PPP1R13B: variants seen among roughly 807,000 people sequenced by gnomAD.
The protein encoded by PPP1R13B is protein phosphatase 1 regulatory subunit 13B, also known as apoptosis-stimulating of p53 protein 1.
Under a neutral mutation model 119.8 loss-of-function variants are expected in PPP1R13B, and 44 were observed. The ratio of observed to expected loss-of-function variants is 0.37; its 90% CI spans 0.29 to 0.47. The LOEUF is 0.47. Ranked by LOEUF, PPP1R13B falls within the 20% of genes least tolerant of loss-of-function variation. The pLI is 0.99. For missense variants in PPP1R13B, 1,227 were observed against 1,413.5 expected, an observed-to-expected ratio of 0.87 and a Z score of 2.12; for synonymous variants, 542 against 561.5, an observed-to-expected ratio of 0.97 and a Z score of 0.49.
At chr14:103,735,643 C>T (rs1305964005) in intron 16 of PPP1R13B, among the ~76,000 whole-genome samples, 1 of 152,238 alleles carries the variant, frequency 6.6e-6, no homozygotes, top group Admixed American at 6.5e-5. Flanking sequence ...ACGTTCCCAC[C>T]TCTCCCTCCA....
chr14:103,847,169 C>G, intron 1 of PPP1R13B, 130 bp downstream of exon 1: 1 of 997,482 alleles, frequency 1.0e-6, no homozygotes, highest in East Asian at 9.3e-5. Context: ...GGCGCGCCCG[C>G]CCAGCCACTT....
chr14:103,828,789 C>A (rs1407889550), intron 1 of PPP1R13B, among the ~76,000 whole-genome samples: 1 of 152,198 alleles, frequency 6.6e-6, no homozygotes, highest in Non-Finnish European at 1.5e-5. Context: ...CAGATGAAAG[C>A]AGGACTGAAG....
chr14:103,820,003 A>C (rs1436199753), intron 1 of PPP1R13B, among the ~76,000 whole-genome samples: 1 of 152,182 alleles, frequency 6.6e-6, no homozygotes, highest in Non-Finnish European at 1.5e-5. Flanking sequence ...CTAAGCCTGC[A>C]CTTATTCCAT....
At chr14:103,843,820 G>A (rs1364669183) in intron 1 of PPP1R13B, among the ~76,000 whole-genome samples, 2 of 152,048 alleles carry the variant, frequency 1.3e-5, no homozygotes, top group Non-Finnish European at 2.9e-5. Flanking sequence ...GGGCGTGGCG[G>A]CGCACGCCTG....
chr14:103,804,548 C>T (rs534658531), intron 1 of PPP1R13B, among the ~76,000 whole-genome samples: 2 of 152,072 alleles, frequency 1.3e-5, no homozygotes, highest in Admixed American at 1.3e-4. Flanking sequence ...CATGGTGAGA[C>T]CCCATCTCTA....
At chr14:103,790,557 G>A (rs1161447123) in intron 2 of PPP1R13B, among the ~76,000 whole-genome samples, 1 of 151,886 alleles carries the variant, frequency 6.6e-6, no homozygotes, top group South Asian at 2.1e-4. Flanking sequence ...CAGGTGGATC[G>A]CTTGAGCTCA....
chr14:103,785,014 G>A, intron 2 of PPP1R13B, 100 bp from the exon 3 acceptor site: 2 of 1,044,798 alleles, frequency 1.9e-6, no homozygotes, highest in Non-Finnish European at 2.7e-6. Context: ...ATGCACACAT[G>A]TATGTCTACA....
chr14:103,839,349 G>A (rs373826537), intron 1 of PPP1R13B, among the ~76,000 whole-genome samples: 9 of 151,866 alleles, frequency 5.9e-5, no homozygotes, highest in African/African-American at 9.7e-5. Context: ...ATCTCTCGCC[G>A]GGCACAGTGG....
At position 103,768,634 on chromosome 14, in the gene PPP1R13B, T is replaced by C. The variant is rs555950270; in HGVS notation, c.354+10111A>G. On this transcript the variant is annotated intron_variant, in intron 4 of 16. Coordinates refer to ENST00000202556, the MANE Select transcript of PPP1R13B (RefSeq NM_015316.3). ...TTTTAGTAGCGACAGGGTTTCACCATATTGGCCAGGATAGTCTCAATCTCC... is the reference window on the plus strand; with the variant it reads ...TTTTAGTAGCGACAGGGTTTCACCACATTGGCCAGGATAGTCTCAATCTCC... Among the ~76,000 whole-genome samples the C allele has an allele frequency of 9.2e-5, 14 of 152,082 alleles. No individual in the cohort carries two copies. In the South Asian group the frequency reaches 1.9e-3, roughly 20 times the overall value.
At chr14:103,824,703 A>T (rs1377920771) in intron 1 of PPP1R13B, among the ~76,000 whole-genome samples, 1 of 151,980 alleles carries the variant, frequency 6.6e-6, no homozygotes, top group African/African-American at 2.4e-5. Context: ...TCAAAAAAAA[A>T]AAAAAGGAGA....
intron 4 of PPP1R13B, chr14:103,764,519 G>A (rs1448394586): frequency 1.8e-5 from 6 of 335,812 alleles, no homozygotes; most frequent in Non-Finnish European, 3.6e-5. Context: ...TATTATAGAA[G>A]TACAAAATAC....
intron 1 of PPP1R13B, among the ~76,000 whole-genome samples, chr14:103,800,059 A>C (rs1206020870): frequency 6.6e-6 from 1 of 152,128 alleles, no homozygotes; most frequent in Admixed American, 6.5e-5. Context: ...CTCAAAAATA[A>C]ATAAATAAAT....
chr14:103,821,626 C>T (rs957355915), intron 1 of PPP1R13B, among the ~76,000 whole-genome samples: 2 of 152,094 alleles, frequency 1.3e-5, no homozygotes, highest in African/African-American at 4.8e-5. Context: ...TGATGCCTGC[C>T]TGTAATCCCA....
Position 103,746,531 on chromosome 14 carries a change from G to A in PPP1R13B, c.992C>T (p.Ser331Leu). The change falls in exon 9 of 17, where the codon TCA becomes TTA. Residue 331 changes from serine to leucine, a missense_variant. Physicochemically the swap from Ser to Leu is moderately radical, Grantham distance 145. Transcript: ENST00000202556. ...KIQLNRVNGT[S>L]SPQSPLSTSG... ...TGTGCTCAGAGGGGACTGTGGTGAT[G>A]ACGTGCCATTCACACGGTTCAGCTA... The A allele has an allele frequency of 6.2e-7, 1 of 1,602,826 alleles. No homozygotes were observed. The highest frequency in any genetic ancestry group is 8.5e-7 in the Non-Finnish European group (1 of 1,174,448).
chr14:103,735,120 G>C lies in PPP1R13B; in HGVS notation c.*34C>G, dbSNP rs371661047. On this transcript the variant is annotated 3_prime_UTR_variant, in exon 17 of 17. Coordinates refer to ENST00000202556, the MANE Select transcript of PPP1R13B (RefSeq NM_015316.3). ...ATAATCTCTTAAGTGGCTCCTGGTAGCTGGCAAGACCATGCGGTGCTCCAA... is the reference window on the plus strand; with the variant it reads ...ATAATCTCTTAAGTGGCTCCTGGTACCTGGCAAGACCATGCGGTGCTCCAA... 1.2e-6 allele frequency: 2 copies of C among 1,613,126 alleles called. No homozygotes were observed. The highest frequency in any genetic ancestry group is 1.7e-6 in the Non-Finnish European group (2 of 1,179,192).
intron 1 of PPP1R13B, among the ~76,000 whole-genome samples, chr14:103,809,806 A>G (rs189462252): frequency 4.0e-5 from 6 of 149,884 alleles, no homozygotes; most frequent in Middle Eastern, 3.4e-3. Context: ...CTGGGTGACA[A>G]AGTGAAACTC....
intron 1 of PPP1R13B, among the ~76,000 whole-genome samples, chr14:103,811,630 G>A (rs192900477): frequency 2.0e-3 from 298 of 152,182 alleles, no homozygotes; most frequent in Middle Eastern, 0.014. Flanking sequence ...CGAGGCTGCA[G>A]TGAGCTATGA....
intron 1 of PPP1R13B, among the ~76,000 whole-genome samples, chr14:103,803,800 T>A (rs2085957327): frequency 6.6e-6 from 1 of 152,202 alleles, no homozygotes; most frequent in Admixed American, 6.6e-5. Context: ...AAACTGCTTC[T>A]CTGCCCTGAT....
At chr14:103,848,470 C>T (rs919873554), upstream of PPP1R13B, 2 of 985,344 alleles carry the variant, frequency 2.0e-6, no homozygotes. Context: ...GGCACCCGCT[C>T]GGGGCCCCCC....
Sources: gnomAD v4.1 joint callset for allele counts (sites outside exome capture counted in the v4.1 genomes callset) on GRCh38, gnomAD v4.1.1 for gene constraint, MANE v1.5 for transcripts, NCBI Gene and HGNC (gene_info 2026-07-23, HGNC 2026-07-21) for gene names.